The following ADARB2 variants were observed in gnomAD, a reference collection of about 807,000 sequenced individuals.
The protein encoded by ADARB2 is adenosine deaminase RNA specific B2 (inactive), also known as inactive double-stranded RNA-specific editase B2.
ADARB2 carries 25 observed loss-of-function variants against 62.2 expected under a neutral mutation model. That is an observed-to-expected ratio of 0.40 (90% confidence interval 0.29 to 0.56). The LOEUF (loss-of-function observed/expected upper bound fraction) is 0.56. ADARB2 is among the 20% of genes least tolerant of loss of function. The probability of loss-of-function intolerance (pLI) is 0.43; values close to 1 mark genes in which losing one functional copy is unlikely to be tolerated. For missense variants in ADARB2, 1,071 were observed against 1,077.4 expected (o/e 0.99, Z 0.08); for synonymous variants, 572 against 500.8 (o/e 1.14, Z -1.90).
chr10:1,445,200 T>C (rs1830953798), intron 1 of ADARB2, among the ~76,000 whole-genome samples: 1 of 146,714 alleles, frequency 6.8e-6, no homozygotes, highest in Admixed American at 6.8e-5. Flanking sequence ...CACCAACCCA[T>C]CCATCCATCC....
At chr10:1,375,775 T>G (rs2805505) in intron 2 of ADARB2, among the ~76,000 whole-genome samples, 2 of 151,558 alleles carry the variant, frequency 1.3e-5, no homozygotes, top group African/African-American at 4.9e-5. Flanking sequence ...CACGCACACA[T>G]GTGCACACAC....
intron 6 of ADARB2, among the ~76,000 whole-genome samples, chr10:1,219,962 G>A (rs950509533): frequency 4.2e-5 from 6 of 142,774 alleles, no homozygotes; most frequent in Non-Finnish European, 9.2e-5. Flanking sequence ...TGATGGTGGT[G>A]GTGATGGATG....
intron 1 of ADARB2, among the ~76,000 whole-genome samples, chr10:1,470,130 C>T (rs772366903): frequency 2.6e-5 from 4 of 152,328 alleles, no homozygotes; most frequent in Middle Eastern, 3.4e-3. Context: ...CTCCCAGCTG[C>T]GTCCATCCCG....
chr10:1,363,211 C>T lies in ADARB2; in HGVS notation c.894G>A (p.Pro298=). 6.8e-7 allele frequency: 1 copy of T among 1,467,622 alleles called. No homozygotes were observed. The highest frequency in any genetic ancestry group is 9.0e-7 in the Non-Finnish European group (1 of 1,111,202). 90.9% of individuals were successfully genotyped at this position (1,467,622 alleles called of 1,614,324 possible). The change falls in exon 3 of 10, where the codon CCG becomes CCA. Residue 298 remains proline, a synonymous_variant. Transcript: ENST00000381312. ...AGLRYVCLAE[P]AERRARSFVM... ...CGAAGCTCCGCGCGCGCCGCTCGGC[C>T]GGTTCTGCCAGACACACGTAGCGCA... is the stretch of plus-strand genomic sequence containing the variant.
intron 3 of ADARB2, among the ~76,000 whole-genome samples, chr10:1,332,302 G>A (rs571787710): frequency 1.8e-3 from 269 of 152,174 alleles, no homozygotes; most frequent in Non-Finnish European, 3.3e-3. Flanking sequence ...TACATGGGGG[G>A]CTGAAGTAGG....
chr10:1,726,741 G>A (rs1224522903), intron 1 of ADARB2, among the ~76,000 whole-genome samples: 1 of 152,166 alleles, frequency 6.6e-6, no homozygotes, highest in African/African-American at 2.4e-5. Context: ...CCGTAGATGG[G>A]GAGCTGGGGA....
chr10:1,505,319 T>C (rs11595350), intron 1 of ADARB2, among the ~76,000 whole-genome samples: 31,058 of 151,916 alleles, frequency 0.2, 3,422 homozygotes, highest in Non-Finnish European at 0.25. Flanking sequence ...TATGTGATGA[T>C]GACGCTGAGG....
intron 4 of ADARB2, among the ~76,000 whole-genome samples, chr10:1,243,024 A>G (rs974810775): frequency 2.0e-5 from 3 of 152,366 alleles, no homozygotes; most frequent in African/African-American, 7.2e-5. Flanking sequence ...GTCTGTGTGG[A>G]TGTGTATTTT....
chr10:1,707,275 G>C (rs897288038), intron 1 of ADARB2, among the ~76,000 whole-genome samples: 1 of 152,192 alleles, frequency 6.6e-6, no homozygotes, highest in Non-Finnish European at 1.5e-5. Context: ...GATCCACCTC[G>C]TCAGAGGAGG....
At chr10:1,647,924 T>TTATTATAAA (rs1381892148) in intron 1 of ADARB2, among the ~76,000 whole-genome samples, 1 of 152,048 alleles carries the variant, frequency 6.6e-6, no homozygotes, top group Non-Finnish European at 1.5e-5. Flanking sequence ...AATTTTTAAA[T>TTATTATAAA]TTAGGGTATA....
intron 1 of ADARB2, among the ~76,000 whole-genome samples, chr10:1,714,429 T>G (rs1314501109): frequency 6.6e-6 from 1 of 152,234 alleles, no homozygotes; most frequent in East Asian, 1.9e-4. Context: ...GCATGAAGCC[T>G]TTACTTCATT....
chr10:1,645,380 G>A (rs996163286), intron 1 of ADARB2, among the ~76,000 whole-genome samples: 11 of 152,172 alleles, frequency 7.2e-5, no homozygotes, highest in Non-Finnish European at 1.2e-4. Context: ...CCAGCCCATC[G>A]ACCTGGAGCC....
At chr10:1,616,483 C>T (rs1315704499) in intron 1 of ADARB2, among the ~76,000 whole-genome samples, 1 of 147,206 alleles carries the variant, frequency 6.8e-6, no homozygotes, top group African/African-American at 2.5e-5. Flanking sequence ...TCCACACCAC[C>T]CTGCTGAGCT....
chr10:1,486,254 G>A (rs1223393706), intron 1 of ADARB2, among the ~76,000 whole-genome samples: 1 of 147,738 alleles, frequency 6.8e-6, no homozygotes, highest in East Asian at 2.0e-4. Context: ...GTGTTGTTAA[G>A]CACATCTCAG....
chr10:1,441,263 C>A (rs1242162250), intron 1 of ADARB2, among the ~76,000 whole-genome samples: 1 of 152,160 alleles, frequency 6.6e-6, no homozygotes, highest in Non-Finnish European at 1.5e-5. Context: ...TTACCTGCAA[C>A]TTATCTAAAA....
chr10:1,480,362 G>C (rs1056897080), intron 1 of ADARB2, among the ~76,000 whole-genome samples: 3 of 152,202 alleles, frequency 2.0e-5, no homozygotes, highest in Admixed American at 1.3e-4. Context: ...AAAATTAGTT[G>C]CATTTCTATG....
chr10:1,637,358 T>C (rs1328131009), intron 1 of ADARB2, among the ~76,000 whole-genome samples: 1 of 152,210 alleles, frequency 6.6e-6, no homozygotes, highest in African/African-American at 2.4e-5. Context: ...CTTCCTTGAT[T>C]AGAGCTATAA....
chr10:1,350,063 C>T lies in ADARB2; in HGVS notation c.1077+12965G>A, dbSNP rs545764613. 1.3e-5 allele frequency among the ~76,000 whole-genome samples: 2 copies of T among 152,302 alleles called. 1 individual carries two copies. The highest frequency in any genetic ancestry group is 4.8e-5 in the African/African-American group (2 of 41,556). On this transcript the variant is annotated intron_variant, in intron 3 of 9. Coordinates refer to ENST00000381312, the MANE Select transcript of ADARB2 (RefSeq NM_018702.4). ...TAAAACCTCTTCAACTCTCGCCTGACCTAAAATCTAAGCGTCTTATTTTCT... is the reference window on the plus strand; with the variant it reads ...TAAAACCTCTTCAACTCTCGCCTGATCTAAAATCTAAGCGTCTTATTTTCT...
intron 3 of ADARB2, among the ~76,000 whole-genome samples, chr10:1,331,462 A>C (rs1391160135): frequency 6.6e-6 from 1 of 152,234 alleles, no homozygotes; most frequent in African/African-American, 2.4e-5. Flanking sequence ...GCCACACCCT[A>C]AAGACACCAA....
Sources: gnomAD v4.1 joint callset for allele counts (sites outside exome capture counted in the v4.1 genomes callset) on GRCh38, gnomAD v4.1.1 for gene constraint, MANE v1.5 for transcripts, NCBI Gene and HGNC (gene_info 2026-07-23, HGNC 2026-07-21) for gene names.